NRXN1: variants seen among roughly 807,000 people sequenced by gnomAD.
NRXN1 encodes the protein neurexin 1.
NRXN1 carries 39 observed loss-of-function variants against 150.9 expected under a neutral mutation model. The observed-to-expected ratio is 0.26, with a 90% confidence interval of 0.20 to 0.34. The LOEUF (loss-of-function observed/expected upper bound fraction) is 0.34, where lower values mean the gene tolerates loss of function less well. Among genes scored for constraint, NRXN1 ranks in the 10% least tolerant of loss-of-function variants. The pLI is 1.00. For missense variants in NRXN1, 1,815 were observed against 1,949.9 expected, an observed-to-expected ratio of 0.93 and a Z score of 1.30; for synonymous variants, 924 against 757.0, an observed-to-expected ratio of 1.22 and a Z score of -3.62.
chr2:50,683,483 T>A (rs1482283458), intron 5 of NRXN1, among the ~76,000 whole-genome samples: 1 of 148,060 alleles, frequency 6.8e-6, no homozygotes, highest in Non-Finnish European at 1.5e-5. Flanking sequence ...ATACAAAAAA[T>A]TAGCCGGGCA....
chr2:49,985,925 G>A (rs1680832096), intron 21 of NRXN1, among the ~76,000 whole-genome samples: 1 of 152,074 alleles, frequency 6.6e-6, no homozygotes, highest in Non-Finnish European at 1.5e-5. Context: ...AACAATTTAT[G>A]GTACAGAATC....
intron 2 of NRXN1, among the ~76,000 whole-genome samples, chr2:51,019,182 T>C (rs963319640): frequency 1.3e-5 from 2 of 152,080 alleles, no homozygotes; most frequent in Non-Finnish European, 2.9e-5. Flanking sequence ...GGCTGCCTGC[T>C]AAGGTATTGG....
intron 17 of NRXN1, among the ~76,000 whole-genome samples, chr2:50,255,492 T>C (rs1431726420): frequency 6.6e-6 from 1 of 152,182 alleles, no homozygotes; most frequent in Non-Finnish European, 1.5e-5. Flanking sequence ...AATTCTATCT[T>C]TCTAGACTAA....
intron 18 of NRXN1, among the ~76,000 whole-genome samples, chr2:50,171,422 G>A (rs192723027): frequency 6.2e-5 from 9 of 144,926 alleles, no homozygotes; most frequent in Admixed American, 2.2e-4. Context: ...TCATTTTTAG[G>A]CCCCATTAAT....
chr2:50,506,517 C>T lies in NRXN1; in HGVS notation c.2475G>A (p.Val825=). The T allele has an allele frequency of 6.2e-7, 1 of 1,612,896 alleles. No homozygotes were observed. The highest frequency in any genetic ancestry group is 8.5e-7 in the Non-Finnish European group (1 of 1,179,336). ...TACCTGTCATGGCCTGTTGGTCATC[C>T]ACTGTTAACTTTAAACTTTTTCCAC... ...VRRGKSLKLT[V]DDQQAMTGQM... The change falls in exon 13 of 23, where the codon GTG becomes GTA. Residue 825 remains valine (V), a synonymous_variant. Coordinates refer to ENST00000401669, the MANE Select transcript of NRXN1 (RefSeq NM_001330078.2).
intron 2 of NRXN1, among the ~76,000 whole-genome samples, chr2:51,005,886 C>T (rs887235287): frequency 6.6e-6 from 1 of 151,744 alleles, no homozygotes; most frequent in African/African-American, 2.4e-5. Flanking sequence ...ATGTTGCCTA[C>T]AAGAAACCCA....
chr2:50,038,710 T>C (rs548826246), intron 21 of NRXN1, among the ~76,000 whole-genome samples: 5 of 152,166 alleles, frequency 3.3e-5, no homozygotes, highest in Non-Finnish European at 7.4e-5. Flanking sequence ...ACCTAAAATA[T>C]AGAAAAGAAT....
At chr2:50,588,951 T>C (rs1215979209) in intron 8 of NRXN1, 5 of 152,182 alleles carry the variant, frequency 3.3e-5, no homozygotes, top group Admixed American at 2.6e-4. Flanking sequence ...CCAATTGATT[T>C]CATAGCTCAG....
intron 18 of NRXN1, among the ~76,000 whole-genome samples, chr2:50,180,749 T>C (rs967288002): frequency 1.3e-5 from 2 of 152,170 alleles, no homozygotes; most frequent in African/African-American, 4.8e-5. Flanking sequence ...AGGAAAATAA[T>C]TCTATTCTTT....
intron 5 of NRXN1, among the ~76,000 whole-genome samples, chr2:50,894,595 A>G (rs566691675): frequency 6.6e-6 from 1 of 152,242 alleles, no homozygotes; most frequent in Admixed American, 6.5e-5. Context: ...TATAGTGTCT[A>G]AGATCTACTG....
chr2:50,860,745 A>C (rs959834732), intron 5 of NRXN1, among the ~76,000 whole-genome samples: 3 of 152,122 alleles, frequency 2.0e-5, no homozygotes, highest in Non-Finnish European at 4.4e-5. Flanking sequence ...GTGCCAGGCC[A>C]TACTGAAAAG....
chr2:50,573,282 G>A (rs1038738915), intron 8 of NRXN1, among the ~76,000 whole-genome samples: 2 of 151,898 alleles, frequency 1.3e-5, no homozygotes, highest in African/African-American at 4.8e-5. Flanking sequence ...AGGATCGCTT[G>A]AGCTTGTGGG....
intron 17 of NRXN1, among the ~76,000 whole-genome samples, chr2:50,280,585 G>A (rs892584308): frequency 6.6e-6 from 1 of 152,112 alleles, no homozygotes; most frequent in Non-Finnish European, 1.5e-5. Flanking sequence ...TGTAAAGCGG[G>A]AGTAACAAAG....
At chr2:49,962,636 G>C (rs1260966840) in intron 21 of NRXN1, among the ~76,000 whole-genome samples, 1 of 152,126 alleles carries the variant, frequency 6.6e-6, no homozygotes. Context: ...ACACAAGGGA[G>C]TCCTGTGGTA....
Position 51,006,119 on chromosome 2 carries a change from T to C in NRXN1, c.772+21383A>G, listed in dbSNP as rs940178970. ...ACGTGTATAAATCTATTGCCAGTCATTGACATTTCTTATAAGAACCTGTGT... is the reference window on the plus strand; with the variant it reads ...ACGTGTATAAATCTATTGCCAGTCACTGACATTTCTTATAAGAACCTGTGT... On this transcript the variant is annotated intron_variant, in intron 2 of 22. Coordinates refer to ENST00000401669, the MANE Select transcript of NRXN1 (RefSeq NM_001330078.2). Among the ~76,000 whole-genome samples the C allele has an allele frequency of 2.0e-5, 3 of 151,884 alleles. No homozygotes were observed. In the East Asian group the frequency reaches 5.9e-4, roughly 30 times the overall value.
chr2:50,748,204 G>A (rs1376294739), intron 5 of NRXN1, among the ~76,000 whole-genome samples: 4 of 152,140 alleles, frequency 2.6e-5, no homozygotes, highest in African/African-American at 9.7e-5. Context: ...TGACTGCAAA[G>A]GCTGTACTTT....
chr2:50,507,636 C>CAAAAAA (rs71404959), intron 12 of NRXN1, among the ~76,000 whole-genome samples: 25 of 107,364 alleles, frequency 2.3e-4, no homozygotes, highest in East Asian at 6.5e-4. Context: ...TCCGTCACCT[C>CAAAAAA]AAAAAAAAAA....
At chr2:50,270,965 A>C (rs1256137614) in intron 17 of NRXN1, among the ~76,000 whole-genome samples, 2 of 152,158 alleles carry the variant, frequency 1.3e-5, no homozygotes, top group Non-Finnish European at 2.9e-5. Context: ...GGCCATATAC[A>C]GATATAGGTT....
At chr2:50,941,548 C>G (rs1167991128) in intron 2 of NRXN1, among the ~76,000 whole-genome samples, 1 of 152,204 alleles carries the variant, frequency 6.6e-6, no homozygotes, top group Non-Finnish European at 1.5e-5. Context: ...AAAGGTCACT[C>G]TTGCTATGCT....
Sources: gnomAD v4.1 joint callset for allele counts (sites outside exome capture counted in the v4.1 genomes callset) on GRCh38, gnomAD v4.1.1 for gene constraint, MANE v1.5 for transcripts, NCBI Gene and HGNC (gene_info 2026-07-23, HGNC 2026-07-21) for gene names.